SUMF1: variants seen among roughly 807,000 people sequenced by gnomAD.
SUMF1 encodes sulfatase modifying factor 1.
Under a neutral mutation model 47.6 loss-of-function variants are expected in SUMF1, and 48 were observed. The ratio of observed to expected loss-of-function variants is 1.01; its 90% CI spans 0.80 to 1.28. The LOEUF (loss-of-function observed/expected upper bound fraction) is 1.28, where lower values mean the gene tolerates loss of function less well. Among genes scored for constraint, SUMF1 ranks in the 50% most tolerant of loss-of-function variants. The probability of loss-of-function intolerance (pLI) is 0.00; values close to 1 mark genes in which losing one functional copy is unlikely to be tolerated. For synonymous variants in SUMF1, 230 were observed against 192.1 expected (o/e 1.20, Z -1.63); for missense variants, 571 against 485.4 (o/e 1.18, Z -1.66).
At chr3:4,300,402 T>G (rs1697939643) in intron 8 of SUMF1, among the ~76,000 whole-genome samples, 1 of 152,228 alleles carries the variant, frequency 6.6e-6, no homozygotes, top group African/African-American at 2.4e-5. Flanking sequence ...CCTCAAGTAT[T>G]TCTTTACAGC....
intron 3 of SUMF1, among the ~76,000 whole-genome samples, chr3:4,430,212 C>G (rs1702190800): frequency 6.6e-6 from 1 of 152,056 alleles, no homozygotes; most frequent in Admixed American, 6.6e-5. Flanking sequence ...AGGTTCCCAC[C>G]ATCAAAGGAG....
chr3:4,195,250 T>C (rs1695403319), intron 8 of SUMF1, among the ~76,000 whole-genome samples: 1 of 152,148 alleles, frequency 6.6e-6, no homozygotes, highest in Non-Finnish European at 1.5e-5. Flanking sequence ...ATGACCTAGA[T>C]TCTGGCAGTG....
At chr3:4,067,957 G>C (rs924928913) in intron 9 of SUMF1, among the ~76,000 whole-genome samples, 3 of 152,116 alleles carry the variant, frequency 2.0e-5, no homozygotes, top group South Asian at 2.1e-4. Flanking sequence ...GAAACTAAGA[G>C]TCCAAAAAGC....
At chr3:4,151,854 G>C (rs1694344494) in intron 8 of SUMF1, among the ~76,000 whole-genome samples, 1 of 151,478 alleles carries the variant, frequency 6.6e-6, no homozygotes, top group Non-Finnish European at 1.5e-5. Flanking sequence ...ACTGGGACAG[G>C]TACGACAACT....
chr3:4,076,073 C>T (rs1276522671), intron 8 of SUMF1, among the ~76,000 whole-genome samples: 2 of 152,072 alleles, frequency 1.3e-5, no homozygotes, highest in Non-Finnish European at 2.9e-5. Context: ...AGGCATCATG[C>T]TACCTGACTT....
intron 1 of SUMF1, among the ~76,000 whole-genome samples, chr3:4,456,817 T>TATATATATAC (rs2079640731): frequency 4.1e-5 from 6 of 146,524 alleles, no homozygotes; most frequent in Admixed American, 6.9e-5. Context: ...TATATACGTG[T>TATATATATAC]GTGTGTATAT....
intron 8 of SUMF1, among the ~76,000 whole-genome samples, chr3:4,333,228 A>G (rs1316097459): frequency 6.6e-6 from 1 of 152,210 alleles, no homozygotes; most frequent in Non-Finnish European, 1.5e-5. Flanking sequence ...TTAACATTTA[A>G]GCCATCCACA....
At chr3:4,090,341 C>G (rs563216896) in intron 8 of SUMF1, among the ~76,000 whole-genome samples, 2 of 152,154 alleles carry the variant, frequency 1.3e-5, no homozygotes, top group South Asian at 4.1e-4. Flanking sequence ...CATTTGGAAG[C>G]TGTGCATGTT....
rs1698935192 is a variant in SUMF1 at position 4,325,897 on chromosome 3, C to T, written c.1014+50433G>A. On this transcript the variant is annotated intron_variant and NMD_transcript_variant, in intron 8 of 12. Transcript: ENST00000448413. The stretch of plus-strand genomic sequence containing the variant: ...GGTATACTATAGTGAACTCAGCTCA[C>T]TACAACCTCCTCCTCCTGGGTTCAA... Among the ~76,000 whole-genome samples, 3 of 152,194 alleles carry T rather than the reference C, an allele frequency of 2.0e-5. No individual in the cohort carries two copies. In the South Asian group the frequency reaches 6.2e-4, roughly 31 times the overall value.
intron 8 of SUMF1, among the ~76,000 whole-genome samples, chr3:4,220,352 A>G (rs1441566945): frequency 6.6e-6 from 1 of 152,170 alleles, no homozygotes; most frequent in Non-Finnish European, 1.5e-5. Flanking sequence ...AAAAGGTGGT[A>G]AACTTCCAGT....
chr3:4,287,966 C>T (rs181750310), intron 8 of SUMF1, among the ~76,000 whole-genome samples: 6 of 152,296 alleles, frequency 3.9e-5, no homozygotes, highest in Admixed American at 2.6e-4. Context: ...GACATCCATA[C>T]TTCTCTTCTG....
intron 8 of SUMF1, among the ~76,000 whole-genome samples, chr3:4,110,170 G>T (rs949332757): frequency 6.6e-6 from 1 of 152,104 alleles, no homozygotes; most frequent in Admixed American, 6.5e-5. Flanking sequence ...GCAGGTTGCT[G>T]GAGTTTGCTG....
At chr3:4,204,785 T>A (rs1695616705) in intron 8 of SUMF1, among the ~76,000 whole-genome samples, 1 of 152,018 alleles carries the variant, frequency 6.6e-6, no homozygotes, top group Non-Finnish European at 1.5e-5. Context: ...ATGTATTTTT[T>A]CAGTTTGTCA....
intron 8 of SUMF1, among the ~76,000 whole-genome samples, chr3:4,178,079 C>T (rs1404978151): frequency 6.6e-6 from 1 of 152,054 alleles, no homozygotes; most frequent in African/African-American, 2.4e-5. Context: ...AGTCCAGGAC[C>T]AGACAGATTC....
At chr3:4,054,214 C>G (rs1443495846) in intron 9 of SUMF1, among the ~76,000 whole-genome samples, 1 of 152,080 alleles carries the variant, frequency 6.6e-6, no homozygotes, top group Non-Finnish European at 1.5e-5. Flanking sequence ...AGAAAAAGAA[C>G]TGTATATGAG....
chr3:4,252,715 G>A (rs1397806365), intron 8 of SUMF1, among the ~76,000 whole-genome samples: 1 of 152,004 alleles, frequency 6.6e-6, no homozygotes, highest in African/African-American at 2.4e-5. Context: ...TTTAATGAAG[G>A]GGAAAATCCA....
rs193235822 is a variant in SUMF1, at chr3:4,133,727, T to C, written c.1015-64982A>G. Among the ~76,000 whole-genome samples, 627 of 152,242 alleles carry C rather than the reference T, an allele frequency of 4.1e-3. 14 individuals are homozygous for C. Among genetic ancestry groups the C allele is most frequent in the Non-Finnish European group, 1.3e-3 (86 of 68,018 alleles). On this transcript the variant is annotated intron_variant and NMD_transcript_variant, in intron 8 of 12. Coordinates refer to the SUMF1 transcript ENST00000448413. ...TCAGTTTTGGAACTCAGACTGGCTC[T>C]CCTTGTTCCTCAGCCTCCAGATGGC...
intron 8 of SUMF1, among the ~76,000 whole-genome samples, chr3:4,190,713 A>C (rs541505986): frequency 1.3e-5 from 2 of 152,232 alleles, no homozygotes; most frequent in Admixed American, 1.3e-4. Context: ...ATTTAATTCA[A>C]TATTACTCAA....
At chr3:4,313,563 CAAAG>C (rs769957669) in intron 8 of SUMF1, 41 of 1,613,892 alleles carry the variant, frequency 2.5e-5, no homozygotes, top group Non-Finnish European at 3.4e-5. Flanking sequence ...TCAGTGAAGA[CAAAG>C]AAAGGCTAGA....
Sources: gnomAD v4.1 joint callset for allele counts (sites outside exome capture counted in the v4.1 genomes callset) on GRCh38, gnomAD v4.1.1 for gene constraint, MANE v1.5 for transcripts, NCBI Gene and HGNC (gene_info 2026-07-23, HGNC 2026-07-21) for gene names.